Variants in FMN1 observed in about 807,000 individuals in gnomAD.
The protein encoded by FMN1 is formin 1.
FMN1 carries 110 observed loss-of-function variants against 132.4 expected under a neutral mutation model. The ratio of observed to expected loss-of-function variants is 0.83; its 90% confidence interval spans 0.71 to 0.97. The LOEUF is 0.97. Ranked by LOEUF, FMN1 falls within the 50% of genes least tolerant of loss-of-function variation. The pLI is 0.00. For synonymous variants in FMN1, 722 were observed against 651.7 expected, an observed-to-expected ratio of 1.11 and a Z score of -1.64; for missense variants, 1,792 against 1,705.3, an observed-to-expected ratio of 1.05 and a Z score of -0.90.
chr15:32,795,321 A>G (rs2057245734), intron 19 of FMN1, among the ~76,000 whole-genome samples: 1 of 152,078 alleles, frequency 6.6e-6, no homozygotes, highest in Admixed American at 6.6e-5. Context: ...CTCTCTCCCA[A>G]CTCACCTGCA....
intron 19 of FMN1, among the ~76,000 whole-genome samples, chr15:32,793,836 C>T (rs554517352): frequency 6.6e-6 from 1 of 152,140 alleles, no homozygotes; most frequent in Non-Finnish European, 1.5e-5. Context: ...CTGAAATTAT[C>T]ATGTATGTAT....
At chr15:33,156,929 C>T (rs959890632) in intron 3 of FMN1, among the ~76,000 whole-genome samples, 3 of 152,094 alleles carry the variant, frequency 2.0e-5, no homozygotes, top group Non-Finnish European at 4.4e-5. Flanking sequence ...CCTCAATTCC[C>T]ATGGATTAGG....
chr15:32,922,038 T>C (rs1270825772), intron 10 of FMN1, among the ~76,000 whole-genome samples: 1 of 152,208 alleles, frequency 6.6e-6, no homozygotes, highest in African/African-American at 2.4e-5. Context: ...CCTCTCAGAC[T>C]TAATCTTAAC....
intron 9 of FMN1, among the ~76,000 whole-genome samples, chr15:32,937,269 A>G (rs2061298006): frequency 6.6e-6 from 1 of 152,206 alleles, no homozygotes; most frequent in Admixed American, 6.5e-5. Context: ...AAAAGTCTGA[A>G]CATTAGACAT....
At chr15:33,048,512 C>T (rs968859282) in intron 6 of FMN1, among the ~76,000 whole-genome samples, 1 of 150,334 alleles carries the variant, frequency 6.7e-6, no homozygotes, top group South Asian at 2.1e-4. Flanking sequence ...TAACAGTTAC[C>T]ATTATATCAT....
chr15:33,024,223 A>ATTTT lies in FMN1; in HGVS notation c.2162-16152_2162-16149dup, dbSNP rs555760509. Among the ~76,000 whole-genome samples, 269 of 87,994 alleles carry ATTTT rather than the reference A, an allele frequency of 3.1e-3. 41 individuals carry two copies. The highest frequency in any genetic ancestry group is 3.6e-3 in the Non-Finnish European group (167 of 46,562). 57.7% of individuals were successfully genotyped at this position (87,994 alleles called of 152,430 possible). A position where few individuals can be genotyped will look rare whatever the true frequency, so the allele number is the denominator to read the frequency against. Reference sequence around the variant, plus strand: ...GGGAATACTATTTCACACCTATCAGATTTTTTTTTTTTTTTTTTTTTTTTT... The same window carrying ATTTT: ...GGGAATACTATTTCACACCTATCAGATTTTTTTTTTTTTTTTTTTTTTTTTTTTT... On this transcript the variant is annotated intron_variant, in intron 6 of 20. Transcript: ENST00000616417.
At chr15:33,176,414 G>A (rs2140331443) in intron 3 of FMN1, among the ~76,000 whole-genome samples, 1 of 150,888 alleles carries the variant, frequency 6.6e-6, no homozygotes, top group East Asian at 2.0e-4. Flanking sequence ...GCTGAGACAG[G>A]AGAATTGCTT....
intron 4 of FMN1, among the ~76,000 whole-genome samples, chr15:33,148,685 C>G (rs1964325938): frequency 6.6e-6 from 1 of 152,196 alleles, no homozygotes; most frequent in South Asian, 2.1e-4. Flanking sequence ...CGCACGCCTT[C>G]CCTTGCGCCT....
rs372655081 is a variant in FMN1, at chr15:33,065,101, G to C, written c.2044-27C>G. 36 of 1,497,932 alleles carry C rather than the reference G, an allele frequency of 2.4e-5. No homozygotes were observed. In the African/African-American group the frequency reaches 4.6e-4, roughly 19 times the overall value. The allele number at this position is 1,497,932 out of a possible 1,614,324, so 92.8% of individuals were successfully genotyped here. ...TGTTGAAAGAGCAGGCAAATAGTAAGTGGAATGTAGTCAGAGCCGATTAAT... is the reference window on the plus strand; with the variant it reads ...TGTTGAAAGAGCAGGCAAATAGTAACTGGAATGTAGTCAGAGCCGATTAAT... On this transcript the variant is annotated intron_variant, in intron 5 of 20. Transcript: ENST00000616417.
intron 16 of FMN1, among the ~76,000 whole-genome samples, chr15:32,861,760 T>TG (rs1464343555): frequency 3.3e-5 from 5 of 152,158 alleles, no homozygotes. Context: ...ATAGGGATAA[T>TG]GATTTTCATT....
chr15:33,068,233 T>C (rs1170236699), intron 5 of FMN1: 3 of 214,560 alleles, frequency 1.4e-5, no homozygotes, highest in Admixed American at 5.2e-5. Context: ...AAAGTCAGCC[T>C]GCCCTGTAAT....
At chr15:32,805,221 G>A (rs1338331248) in intron 17 of FMN1, among the ~76,000 whole-genome samples, 1 of 152,168 alleles carries the variant, frequency 6.6e-6, no homozygotes, top group East Asian at 1.9e-4. Context: ...GAGATGGTGT[G>A]TCATTGTGGT....
At chr15:32,981,543 A>AATAATTATTATTATT (rs574939662) in intron 7 of FMN1, among the ~76,000 whole-genome samples, 1 of 138,402 alleles carries the variant, frequency 7.2e-6, no homozygotes, top group African/African-American at 2.7e-5. Context: ...TAATAATAAT[A>AATAATTATTATTATT]ATTATTATTA....
At chr15:33,167,518 A>C (rs1965156172) in intron 3 of FMN1, among the ~76,000 whole-genome samples, 1 of 152,204 alleles carries the variant, frequency 6.6e-6, no homozygotes. Flanking sequence ...CCTTTGGCTA[A>C]ATGTACACCA....
At chr15:32,864,743 A>G (rs76035924) in intron 16 of FMN1, among the ~76,000 whole-genome samples, 257 of 152,150 alleles carry the variant, frequency 1.7e-3, no homozygotes, top group African/African-American at 5.9e-3. Flanking sequence ...TAGACAAACA[A>G]GTGCCTTTTT....
At position 32,931,635 on chromosome 15, in the gene FMN1, A is replaced by G. The variant is rs140725790; in HGVS notation, c.3139-5374T>C. Among the ~76,000 whole-genome samples the G allele has an allele frequency of 3.7e-3, 568 of 152,318 alleles. 4 individuals carry two copies. Among genetic ancestry groups the G allele is most frequent in the African/African-American group, 0.013 (553 of 41,582 alleles). ...CTTAGGGTTTTCTACATATAAGATC[A>G]TATCTGTGAACACAGATAATCTTAC... On this transcript the variant is annotated intron_variant, in intron 9 of 20. Coordinates refer to ENST00000616417, the MANE Select transcript of FMN1 (RefSeq NM_001277313.2).
intron 16 of FMN1, among the ~76,000 whole-genome samples, chr15:32,870,331 G>A (rs1056074810): frequency 1.3e-5 from 2 of 152,184 alleles, no homozygotes; most frequent in Non-Finnish European, 2.9e-5. Flanking sequence ...CCAGAGGAAT[G>A]TTCCATAAAA....
intron 6 of FMN1, among the ~76,000 whole-genome samples, chr15:33,018,731 G>A (rs765207462): frequency 2.0e-5 from 3 of 152,176 alleles, no homozygotes; most frequent in South Asian, 4.2e-4. Context: ...TAAAGGTGGC[G>A]TGTCCGGAGT....
intron 12 of FMN1, among the ~76,000 whole-genome samples, chr15:32,907,313 G>A (rs1374539288): frequency 1.3e-5 from 2 of 152,158 alleles, no homozygotes; most frequent in African/African-American, 4.8e-5. Context: ...ATCTGGGGGT[G>A]ATGGGAGACA....
Sources: allele counts gnomAD v4.1 joint callset (sites outside exome capture counted in the v4.1 genomes callset), GRCh38; gene constraint gnomAD v4.1.1; transcripts MANE v1.5; gene names NCBI Gene and HGNC (gene_info 2026-07-23, HGNC 2026-07-21).